SDK1: variants seen among roughly 807,000 people sequenced by gnomAD.
The protein encoded by SDK1 is sidekick cell adhesion molecule 1.
A neutral mutation model predicts 245.5 loss-of-function variants in SDK1; 157 were observed. That is an observed-to-expected ratio of 0.64 (90% confidence interval 0.56 to 0.73). The LOEUF (loss-of-function observed/expected upper bound fraction) is 0.73, where lower values mean the gene tolerates loss of function less well. SDK1 is among the 30% of genes least tolerant of loss of function. The pLI, the probability that SDK1 is intolerant of heterozygous loss-of-function variation, is 0.00. For synonymous variants in SDK1, 1,647 were observed against 1,278.5 expected, an observed-to-expected ratio of 1.29 and a Z score of -6.15; for missense variants, 3,583 against 3,002.3, an observed-to-expected ratio of 1.19 and a Z score of -4.52.
At chr7:3,828,538 T>A (rs1197388180) in intron 5 of SDK1, among the ~76,000 whole-genome samples, 1 of 151,904 alleles carries the variant, frequency 6.6e-6, no homozygotes, top group African/African-American at 2.4e-5. Context: ...AAAAAATTAA[T>A]TGAATGTCAA....
intron 4 of SDK1, among the ~76,000 whole-genome samples, chr7:3,805,955 A>G (rs895783752): frequency 6.6e-6 from 1 of 152,070 alleles, no homozygotes; most frequent in Admixed American, 6.5e-5. Flanking sequence ...GAGCTATTCT[A>G]GTTTTCGTGC....
chr7:3,365,712 G>T (rs768338928), intron 1 of SDK1, among the ~76,000 whole-genome samples: 1 of 152,190 alleles, frequency 6.6e-6, no homozygotes, highest in Non-Finnish European at 1.5e-5. Flanking sequence ...TGTAGAGACA[G>T]AACACTGACT....
intron 1 of SDK1, among the ~76,000 whole-genome samples, chr7:3,413,714 A>G (rs1779278642): frequency 6.6e-6 from 1 of 151,172 alleles, no homozygotes; most frequent in African/African-American, 2.4e-5. Context: ...AATAACTAGG[A>G]GGCTGTGCAT....
intron 5 of SDK1, among the ~76,000 whole-genome samples, chr7:3,837,606 T>G (rs1780055613): frequency 6.6e-6 from 1 of 152,232 alleles, no homozygotes; most frequent in South Asian, 2.1e-4. Context: ...GAAATGTTTC[T>G]GAATCTTGGC....
Position 4,267,148 on chromosome 7 carries a change from G to C in SDK1, c.*1764G>C. 1 of 985,256 alleles carries C rather than the reference G, an allele frequency of 1.0e-6. No individual in the cohort carries two copies. Among genetic ancestry groups the C allele is most frequent in the Non-Finnish European group, 1.2e-6 (1 of 829,874 alleles). The allele number at this position is 985,256 out of a possible 1,614,324, so 61.0% of individuals were successfully genotyped here. On this transcript the variant is annotated 3_prime_UTR_variant, in exon 45 of 45. Coordinates refer to ENST00000404826, the MANE Select transcript of SDK1 (RefSeq NM_152744.4). ...CCTTTTCAGTCTTTCCAAAATTAGA[G>C]GGTATGGCAAGTTTCCTTTTTTCTC...
At chr7:4,144,236 C>A (rs1158339253) in intron 28 of SDK1, among the ~76,000 whole-genome samples, 1 of 152,152 alleles carries the variant, frequency 6.6e-6, no homozygotes, top group Admixed American at 6.5e-5. Flanking sequence ...AGCAGGGACA[C>A]CCTTGCCAGA....
intron 5 of SDK1, among the ~76,000 whole-genome samples, chr7:3,913,599 C>T (rs1170653603): frequency 3.3e-5 from 5 of 152,058 alleles, no homozygotes; most frequent in Non-Finnish European, 5.9e-5. Flanking sequence ...GGCCCTGTTA[C>T]ACTTATCTTT....
At chr7:4,129,096 G>A (rs1253491173) in intron 26 of SDK1, among the ~76,000 whole-genome samples, 2 of 140,718 alleles carry the variant, frequency 1.4e-5, no homozygotes, top group African/African-American at 2.7e-5. Flanking sequence ...CTTGGGGTGG[G>A]GTGCCCTGGA....
rs1781114988 is a variant in SDK1 at position 3,792,159 on chromosome 7, C to G, written c.714-29291C>G. On this transcript the variant is annotated intron_variant, in intron 4 of 44. Transcript: ENST00000404826. ...ACAAAACAAAATAACAAAAAAAACC[C>G]TTGCATTAACCTTAAACTGGGCCTC... is the stretch of plus-strand genomic sequence containing the variant. Among the ~76,000 whole-genome samples the G allele has an allele frequency of 3.3e-5, 5 of 152,002 alleles. No homozygotes were observed. The South Asian group carries it at 1.0e-3, about 32-fold the overall frequency.
intron 32 of SDK1, among the ~76,000 whole-genome samples, chr7:4,162,657 C>T (rs1401542697): frequency 6.6e-6 from 1 of 152,102 alleles, no homozygotes; most frequent in African/African-American, 2.4e-5. Flanking sequence ...ACCTCAGCCT[C>T]CCAAAGTGCT....
At chr7:4,071,936 C>T (rs1205016335) in intron 20 of SDK1, among the ~76,000 whole-genome samples, 1 of 152,136 alleles carries the variant, frequency 6.6e-6, no homozygotes, top group Non-Finnish European at 1.5e-5. Context: ...ACACGTTAGC[C>T]CCTGCCCTGC....
chr7:3,701,888 C>T (rs1473639822), intron 4 of SDK1, among the ~76,000 whole-genome samples: 1 of 103,180 alleles, frequency 9.7e-6, no homozygotes, highest in Non-Finnish European at 1.9e-5. Flanking sequence ...ATAGTCTTTT[C>T]AACAAATGCT....
At chr7:3,497,418 G>C (rs895481429) in intron 1 of SDK1, among the ~76,000 whole-genome samples, 1 of 152,148 alleles carries the variant, frequency 6.6e-6, no homozygotes, top group African/African-American at 2.4e-5. Context: ...TTTTGTAGCT[G>C]TCTGCTGCAG....
intron 1 of SDK1, among the ~76,000 whole-genome samples, chr7:3,348,709 G>A (rs952939818): frequency 6.6e-6 from 1 of 152,040 alleles, no homozygotes; most frequent in African/African-American, 2.4e-5. Flanking sequence ...AGTTGAAATT[G>A]TTTTTCAAAA....
intron 4 of SDK1, among the ~76,000 whole-genome samples, chr7:3,794,632 A>G (rs1289378250): frequency 6.6e-6 from 1 of 152,122 alleles, no homozygotes; most frequent in African/African-American, 2.4e-5. Flanking sequence ...CAGGCCCTCT[A>G]CTGCCTGGAT....
At chr7:3,627,790 G>A (rs1031251992) in intron 2 of SDK1, among the ~76,000 whole-genome samples, 10 of 152,144 alleles carry the variant, frequency 6.6e-5, no homozygotes, top group South Asian at 2.1e-4. Flanking sequence ...TCAACTGATC[G>A]ATGAGTGCCT....
chr7:3,337,876 C>G (rs1034865576), intron 1 of SDK1: 1 of 152,174 alleles, frequency 6.6e-6, no homozygotes, highest in Admixed American at 6.5e-5. Context: ...CAAGCATACC[C>G]TTAAAAACTA....
intron 2 of SDK1, among the ~76,000 whole-genome samples, chr7:3,629,045 C>A (rs1782204649): frequency 6.6e-6 from 1 of 151,718 alleles, no homozygotes; most frequent in Non-Finnish European, 1.5e-5. Context: ...ATAATCCCAG[C>A]ACTTTGGGAG....
chr7:3,415,307 G>A (rs965792099), intron 1 of SDK1, among the ~76,000 whole-genome samples: 2 of 152,174 alleles, frequency 1.3e-5, no homozygotes, highest in African/African-American at 4.8e-5. Context: ...AATGTGTCAG[G>A]AGAAGTAAAC....
Sources: gnomAD v4.1 joint callset for allele counts (sites outside exome capture counted in the v4.1 genomes callset) on GRCh38, gnomAD v4.1.1 for gene constraint, MANE v1.5 for transcripts, NCBI Gene and HGNC (gene_info 2026-07-23, HGNC 2026-07-21) for gene names.